Variants in LRCH1 observed in about 807,000 individuals in gnomAD.
The protein encoded by LRCH1 is leucine rich repeats and calponin homology domain containing 1, also known as leucine-rich repeat and calponin homology domain-containing protein 1.
In LRCH1, 23 loss-of-function variants were observed where a neutral mutation model predicts 94.9. The observed-to-expected ratio is 0.24, with a 90% CI of 0.17 to 0.34. The LOEUF is 0.34. Ranked by LOEUF, LRCH1 falls within the 10% of genes least tolerant of loss-of-function variation. The probability of loss-of-function intolerance (pLI) is 1.00; values close to 1 mark genes in which losing one functional copy is unlikely to be tolerated. For synonymous variants in LRCH1, 364 were observed against 354.9 expected (o/e 1.03, Z -0.29); for missense variants, 790 against 945.9 (o/e 0.84, Z 2.16).
chr13:46,706,935 ACAT>A (rs1369706789), intron 13 of LRCH1, among the ~76,000 whole-genome samples: 1 of 152,216 alleles, frequency 6.6e-6, no homozygotes, highest in African/African-American at 2.4e-5. Flanking sequence ...TAAGTTTCAC[ACAT>A]CATAGTCCTT....
chr13:46,619,064 T>TTTCCTTCCCTTCCTTCCTTCCTTCCTTCC (rs2050847179), intron 1 of LRCH1, among the ~76,000 whole-genome samples: 5 of 114,652 alleles, frequency 4.4e-5, no homozygotes, highest in Non-Finnish European at 1.7e-5. Context: ...TCTTTTCTTT[T>TTTCCTTCCCTTCCTTCCTTCCTTCCTTCC]TTCCTTCCTT....
chr13:46,745,435 A>G (rs1433560315), downstream of LRCH1, among the ~76,000 whole-genome samples: 1 of 151,974 alleles, frequency 6.6e-6, no homozygotes, highest in African/African-American at 2.4e-5. Context: ...GCATCCTGGG[A>G]TGGTGGTGTT....
intron 1 of LRCH1, among the ~76,000 whole-genome samples, chr13:46,555,860 C>A (rs184775192): frequency 2.6e-4 from 39 of 152,294 alleles, no homozygotes; most frequent in Admixed American, 2.0e-3. Context: ...TAGGTGTAAA[C>A]CACATGTACT....
At chr13:46,679,135 C>G (rs842363) in intron 3 of LRCH1, among the ~76,000 whole-genome samples, 1 of 152,140 alleles carries the variant, frequency 6.6e-6, no homozygotes, top group Non-Finnish European at 1.5e-5. Context: ...CTAGAGATGG[C>G]AAATAATTCC....
intron 2 of LRCH1, among the ~76,000 whole-genome samples, chr13:46,659,017 AC>A (rs1308451529): frequency 2.0e-5 from 3 of 152,116 alleles, no homozygotes; most frequent in Non-Finnish European, 4.4e-5. Context: ...TTGGGGCTTC[AC>A]ATTTCCTCCA....
chr13:46,568,021 C>T (rs1350995232), intron 1 of LRCH1, among the ~76,000 whole-genome samples: 1 of 152,164 alleles, frequency 6.6e-6, no homozygotes, highest in Non-Finnish European at 1.5e-5. Flanking sequence ...GTTTCTGTGT[C>T]TCAGACCTCT....
At chr13:46,609,186 T>C (rs756385655) in intron 1 of LRCH1, among the ~76,000 whole-genome samples, 2 of 152,240 alleles carry the variant, frequency 1.3e-5, no homozygotes, top group Non-Finnish European at 2.9e-5. Flanking sequence ...TCTGCTGTGC[T>C]CGGCCTCTTT....
At chr13:46,646,119 TAAACATTC>T (rs1412662437) in intron 1 of LRCH1, among the ~76,000 whole-genome samples, 2 of 148,314 alleles carry the variant, frequency 1.3e-5, no homozygotes, top group African/African-American at 5.3e-5. Context: ...ATTTAGATTC[TAAACATTC>T]GTGAAAGGAG....
intron 1 of LRCH1, among the ~76,000 whole-genome samples, chr13:46,643,962 G>A (rs762857487): frequency 1.4e-4 from 22 of 152,070 alleles, no homozygotes; most frequent in Non-Finnish European, 2.5e-4. Flanking sequence ...AGACCATGTC[G>A]ACTTTATTTT....
chr13:46,586,850 G>A (rs1278211579), intron 1 of LRCH1, among the ~76,000 whole-genome samples: 1 of 152,226 alleles, frequency 6.6e-6, no homozygotes, highest in Non-Finnish European at 1.5e-5. Context: ...GCTTTCTCAG[G>A]CATTGGTTCT....
chr13:46,554,401 CG>C, intron 1 of LRCH1, among the ~76,000 whole-genome samples: 1 of 152,338 alleles, frequency 6.6e-6, no homozygotes. Context: ...CTCTTCCTTC[CG>C]TGCCTTTTGC....
At chr13:46,609,154 A>C (rs2050719528) in intron 1 of LRCH1, among the ~76,000 whole-genome samples, 1 of 152,186 alleles carries the variant, frequency 6.6e-6, no homozygotes, top group Non-Finnish European at 1.5e-5. Flanking sequence ...TTCTGCACAG[A>C]GTGGTCATAA....
chr13:46,736,067 G>C (rs1873366968), intron 19 of LRCH1, among the ~76,000 whole-genome samples: 1 of 151,442 alleles, frequency 6.6e-6, no homozygotes, highest in Non-Finnish European at 1.5e-5. Context: ...AAAGTGCTAG[G>C]ATTATAGGCA....
At chr13:46,655,469 G>T (rs2051358758) in intron 2 of LRCH1, among the ~76,000 whole-genome samples, 1 of 152,174 alleles carries the variant, frequency 6.6e-6, no homozygotes, top group Non-Finnish European at 1.5e-5. Context: ...ACAACAAAAG[G>T]TTATGTTAGT....
At chr13:46,718,647 G>C (rs894430523) in intron 16 of LRCH1, among the ~76,000 whole-genome samples, 1 of 152,208 alleles carries the variant, frequency 6.6e-6, no homozygotes. Flanking sequence ...AATGTGTCCA[G>C]TTCAATTTTA....
chr13:46,676,644 A>G (rs74078438), intron 3 of LRCH1, among the ~76,000 whole-genome samples: 261 of 152,328 alleles, frequency 1.7e-3, no homozygotes, highest in African/African-American at 6.0e-3. Context: ...CATCTCAAGC[A>G]GTATTACCAT....
chr13:46,689,712 G>GTGTTCTGTTC lies in LRCH1; in HGVS notation c.1014+527_1014+536dup, dbSNP rs60962905. ...TTTGTTTTCCTCAGACTCTTAGATT[G>GTGTTCTGTTC]TGTTCTGTTCTGTTCTGTTCAGTTA... is the stretch of plus-strand genomic sequence containing the variant. On this transcript the variant is annotated intron_variant, in intron 7 of 19. Coordinates refer to ENST00000389797, the MANE Select transcript of LRCH1 (RefSeq NM_001164211.2). 2.1e-3 allele frequency among the ~76,000 whole-genome samples: 325 copies of GTGTTCTGTTC among 151,264 alleles called. 1 individual carries two copies. The highest frequency in any genetic ancestry group is 7.2e-3 in the African/African-American group (298 of 41,274).
At chr13:46,663,469 T>C (rs2051475091) in intron 2 of LRCH1, among the ~76,000 whole-genome samples, 1 of 152,120 alleles carries the variant, frequency 6.6e-6, no homozygotes, top group South Asian at 2.1e-4. Context: ...CCATGGTGGA[T>C]TTTTCAGAAT....
chr13:46,712,653 G>A (rs1872130101), intron 15 of LRCH1, 56 bp downstream of exon 15: 2 of 1,485,848 alleles, frequency 1.3e-6, no homozygotes, highest in Non-Finnish European at 1.9e-6. Context: ...TTTCTCTTGA[G>A]CCTTTTAAGT....
Sources: allele counts gnomAD v4.1 joint callset (sites outside exome capture counted in the v4.1 genomes callset), GRCh38; gene constraint gnomAD v4.1.1; transcripts MANE v1.5; gene names NCBI Gene and HGNC (gene_info 2026-07-23, HGNC 2026-07-21).